RAD51B: variants seen among roughly 807,000 people sequenced by gnomAD.
RAD51B encodes RAD51 paralog B.
In RAD51B, 38 loss-of-function variants were observed where a neutral mutation model predicts 42.2. That is an observed-to-expected ratio of 0.90 (90% CI 0.70 to 1.18). The LOEUF (loss-of-function observed/expected upper bound fraction) is 1.18. Ranked by LOEUF, RAD51B falls within the 50% of genes most tolerant of loss-of-function variation. The pLI is 0.00. For missense variants in RAD51B, 373 were observed against 400.7 expected (o/e 0.93, Z 0.59); for synonymous variants, 154 against 145.2 (o/e 1.06, Z -0.43).
At chr14:68,008,377 T>C (rs1285621620) in intron 7 of RAD51B, among the ~76,000 whole-genome samples, 1 of 151,726 alleles carries the variant, frequency 6.6e-6, no homozygotes, top group East Asian at 1.9e-4. Context: ...ATGATAACAA[T>C]TCATAAAAAG....
intron 10 of RAD51B, among the ~76,000 whole-genome samples, chr14:68,561,204 CACA>C (rs1287653134): frequency 1.3e-5 from 2 of 152,212 alleles, no homozygotes; most frequent in Non-Finnish European, 2.9e-5. Context: ...TGCCCGCTTC[CACA>C]ACGTCTGGTG....
chr14:68,437,595 C>T (rs11625077), intron 9 of RAD51B, among the ~76,000 whole-genome samples: 16,776 of 152,156 alleles, frequency 0.11, 1,559 homozygotes, highest in African/African-American at 0.25. Context: ...TCCCTCCATT[C>T]CTGCCTCATT....
chr14:68,520,895 A>G (rs548869359), intron 10 of RAD51B, among the ~76,000 whole-genome samples: 18 of 152,274 alleles, frequency 1.2e-4, no homozygotes, highest in Non-Finnish European at 4.4e-5. Flanking sequence ...AGAAACGTCA[A>G]TAGTCCTGAA....
rs111902645 is a variant in RAD51B at position 68,309,455 on chromosome 14, T to A, written c.853+17475T>A. ...AAGGTAAAGAATGTTTATTTTCAGG[T>A]AGAGAAGAAAGAAAAATCACGGAGA... On this transcript the variant is annotated intron_variant, in intron 8 of 10. Coordinates refer to ENST00000471583, the MANE Select transcript of RAD51B (RefSeq NM_133510.4). 6.2e-3 allele frequency among the ~76,000 whole-genome samples: 945 copies of A among 152,108 alleles called. 6 individuals are homozygous for A. The highest frequency in any genetic ancestry group is 0.022 in the African/African-American group (896 of 41,456).
At chr14:68,268,058 A>T (rs1449249795) in intron 7 of RAD51B, among the ~76,000 whole-genome samples, 4 of 152,148 alleles carry the variant, frequency 2.6e-5, no homozygotes. Flanking sequence ...GCTAGGAGAG[A>T]CTAACATAAA....
At chr14:68,106,401 G>C (rs1031905673) in intron 7 of RAD51B, among the ~76,000 whole-genome samples, 2 of 151,812 alleles carry the variant, frequency 1.3e-5, no homozygotes, top group Non-Finnish European at 2.9e-5. Flanking sequence ...TCAATATGAA[G>C]TAGATGTGGT....
intron 7 of RAD51B, among the ~76,000 whole-genome samples, chr14:68,137,392 C>T (rs1236795119): frequency 6.6e-6 from 1 of 152,056 alleles, no homozygotes; most frequent in African/African-American, 2.4e-5. Context: ...CATAAAACAA[C>T]CCAAATTTAT....
intron 7 of RAD51B, among the ~76,000 whole-genome samples, chr14:68,003,185 G>A (rs2140314459): frequency 6.6e-6 from 1 of 152,228 alleles, no homozygotes; most frequent in East Asian, 1.9e-4. Flanking sequence ...CCATTTGTTT[G>A]TGTCATCTGT....
chr14:68,648,566 C>G (rs1330428098), intron 10 of RAD51B, among the ~76,000 whole-genome samples: 1 of 151,462 alleles, frequency 6.6e-6, no homozygotes, highest in Non-Finnish European at 1.5e-5. Context: ...TGTGCAACAT[C>G]TGCACACTCA....
At chr14:68,464,162 G>T (rs1253026801) in intron 9 of RAD51B, among the ~76,000 whole-genome samples, 1 of 152,096 alleles carries the variant, frequency 6.6e-6, no homozygotes, top group Non-Finnish European at 1.5e-5. Flanking sequence ...TTGATATCAT[G>T]TTTATCTGAT....
intron 7 of RAD51B, among the ~76,000 whole-genome samples, chr14:68,161,932 A>G (rs577263826): frequency 2.0e-5 from 3 of 152,326 alleles, no homozygotes; most frequent in East Asian, 3.9e-4. Context: ...TATTGTCACA[A>G]CTGTGCACAG....
chr14:67,868,758 C>T (rs553971748), intron 5 of RAD51B, among the ~76,000 whole-genome samples: 698 of 152,370 alleles, frequency 4.6e-3, no homozygotes, highest in African/African-American at 0.016. Flanking sequence ...CAGACTGCCT[C>T]CTCAAGTGGG....
intron 9 of RAD51B, among the ~76,000 whole-genome samples, chr14:68,455,626 A>T (rs1406648848): frequency 6.6e-6 from 1 of 152,168 alleles, no homozygotes; most frequent in East Asian, 1.9e-4. Context: ...AGGCTGAGGC[A>T]GGAGAATGGC....
intron 4 of RAD51B, among the ~76,000 whole-genome samples, chr14:67,850,175 T>C (rs1265722925): frequency 6.6e-6 from 1 of 152,158 alleles, no homozygotes; most frequent in Non-Finnish European, 1.5e-5. Flanking sequence ...TTTTAATTAT[T>C]TGTATAGACA....
chr14:68,097,034 T>C (rs941019092), intron 7 of RAD51B, among the ~76,000 whole-genome samples: 1 of 152,228 alleles, frequency 6.6e-6, no homozygotes, highest in African/African-American at 2.4e-5. Flanking sequence ...GTATCACATG[T>C]ATACATCCAT....
At chr14:68,094,667 ACTGATAATAATAGTATACC>A (rs1208959728) in intron 7 of RAD51B, among the ~76,000 whole-genome samples, 1 of 152,224 alleles carries the variant, frequency 6.6e-6, no homozygotes, top group African/African-American at 2.4e-5. Flanking sequence ...CCTTGGACAG[ACTGATAATAATAGTATACC>A]CTGAATTGAG....
At chr14:68,140,277 A>T (rs914288739) in intron 7 of RAD51B, among the ~76,000 whole-genome samples, 16 of 152,270 alleles carry the variant, frequency 1.1e-4, no homozygotes, top group African/African-American at 3.4e-4. Flanking sequence ...CAAAAATCCC[A>T]CTTAATCCAT....
chr14:68,541,003 G>T (rs116597827), intron 10 of RAD51B: 1 of 985,376 alleles, frequency 1.0e-6, no homozygotes, highest in Non-Finnish European at 1.2e-6. Context: ...GCTATCATTT[G>T]TTTTTGTTTT....
chr14:68,663,226 C>A (rs1196265662), intron 11 of RAD51B, among the ~76,000 whole-genome samples: 1 of 152,170 alleles, frequency 6.6e-6, no homozygotes, highest in Non-Finnish European at 1.5e-5. Context: ...TGCTTGAAAC[C>A]AGCAGGGTTG....
Sources: gnomAD v4.1 joint callset for allele counts (sites outside exome capture counted in the v4.1 genomes callset) on GRCh38, gnomAD v4.1.1 for gene constraint, MANE v1.5 for transcripts, NCBI Gene and HGNC (gene_info 2026-07-23, HGNC 2026-07-21) for gene names.